The following CAPSL variants were observed in gnomAD, a reference collection of about 807,000 sequenced individuals.
The protein encoded by CAPSL is calcyphosin-like protein.
In CAPSL, 17 loss-of-function variants were observed where a neutral mutation model predicts 21.3. That is an observed-to-expected ratio of 0.80 (90% confidence interval 0.55 to 1.20). The LOEUF (loss-of-function observed/expected upper bound fraction) is 1.20. CAPSL is among the 50% of genes most tolerant of loss of function. CAPSL has a pLI of 0.00. For synonymous variants in CAPSL, 102 were observed against 89.3 expected, an observed-to-expected ratio of 1.14 and a Z score of -0.80; for missense variants, 289 against 259.3, an observed-to-expected ratio of 1.11 and a Z score of -0.79.
intron 1 of CAPSL, among the ~76,000 whole-genome samples, chr5:35,930,178 C>A (rs142163083): frequency 4.6e-5 from 7 of 152,092 alleles, no homozygotes; most frequent in Non-Finnish European, 7.4e-5. Context: ...AAGATGTCAC[C>A]GAAGTCTGGC....
At chr5:35,921,156 G>T (rs368843089) in intron 1 of CAPSL, 36 bp from the exon 2 acceptor site, 1 of 1,606,432 alleles carries the variant, frequency 6.2e-7, no homozygotes. Flanking sequence ...CAAAGTCCAG[G>T]CCTCGCCGCT....
chr5:35,914,974 A>C (rs1394905455), intron 2 of CAPSL, among the ~76,000 whole-genome samples: 1 of 152,210 alleles, frequency 6.6e-6, no homozygotes, highest in African/African-American at 2.4e-5. Flanking sequence ...AAGACTAATA[A>C]AGAAGAAAAG....
intron 4 of CAPSL, 173 bp from the exon 5 acceptor site, chr5:35,904,819 G>A: frequency 3.7e-6 from 2 of 539,660 alleles, no homozygotes; most frequent in Non-Finnish European, 4.7e-6. Flanking sequence ...GATGGTGTGA[G>A]AACAGCACCT....
chr5:35,930,841 C>G (rs1234371037), intron 1 of CAPSL, among the ~76,000 whole-genome samples: 2 of 152,282 alleles, frequency 1.3e-5, no homozygotes, highest in East Asian at 3.9e-4. Context: ...TGGGTAGGCA[C>G]AGGAACCAGT....
At chr5:35,906,237 C>T (rs1001354676) in intron 4 of CAPSL, among the ~76,000 whole-genome samples, 1 of 152,058 alleles carries the variant, frequency 6.6e-6, no homozygotes, top group African/African-American at 2.4e-5. Context: ...TGTTTGTTGG[C>T]CAGGGATGAC....
chr5:35,928,679 G>A (rs1425610302), intron 1 of CAPSL, among the ~76,000 whole-genome samples: 3 of 152,158 alleles, frequency 2.0e-5, no homozygotes, highest in Non-Finnish European at 2.9e-5. Context: ...TTGTTGCAAT[G>A]GAAGTAGGGT....
chr5:35,937,207 T>C (rs1738971527), intron 1 of CAPSL, among the ~76,000 whole-genome samples: 1 of 152,224 alleles, frequency 6.6e-6, no homozygotes, highest in Admixed American at 6.5e-5. Context: ...TACTTTGTCT[T>C]TCAAAAGACT....
chr5:35,924,004 C>T (rs554306195), intron 1 of CAPSL, among the ~76,000 whole-genome samples: 2 of 147,714 alleles, frequency 1.4e-5, no homozygotes, highest in South Asian at 4.3e-4. Context: ...ATACATACAA[C>T]TTTATCTGTC....
intron 4 of CAPSL, among the ~76,000 whole-genome samples, chr5:35,904,964 A>G (rs1024456504): frequency 6.6e-6 from 1 of 152,162 alleles, no homozygotes; most frequent in Admixed American, 6.5e-5. Context: ...AGTAAGAAGG[A>G]AGTGCTCTGC....
rs139830420 is a variant in CAPSL, at chr5:35,921,021, G to A, written c.100C>T (p.Leu34=). The A allele has an allele frequency of 1.7e-5, 27 of 1,613,980 alleles. No individual in the cohort carries two copies. The African/African-American group carries it at 3.1e-4, about 18-fold the overall frequency. ...DPIERLRLQC[L]ARGSAGIKGL... ...TTGATCCCAGCAGAGCCCCTGGCCA[G>A]GCACTGCAGTCGGAGTCTTTCAATG... Residue 34 remains leucine (L), a synonymous_variant, in exon 2 of 5, where the codon CTG becomes TTG. Transcript: ENST00000651391.
intron 4 of CAPSL, among the ~76,000 whole-genome samples, chr5:35,906,737 A>T (rs1233470248): frequency 6.6e-6 from 1 of 152,242 alleles, no homozygotes; most frequent in Non-Finnish European, 1.5e-5. Flanking sequence ...TGAGACTGGT[A>T]TCGTCACCCA....
intron 2 of CAPSL, among the ~76,000 whole-genome samples, chr5:35,912,354 A>G (rs1275845080): frequency 3.3e-5 from 5 of 152,230 alleles, no homozygotes; most frequent in Non-Finnish European, 7.3e-5. Context: ...ACAACTTTGA[A>G]GAGAGTAATG....
chr5:35,907,306 C>T (rs77573968), intron 4 of CAPSL, among the ~76,000 whole-genome samples: 18,456 of 152,134 alleles, frequency 0.12, 1,459 homozygotes, highest in Non-Finnish European at 0.18. Context: ...ATATACCTAA[C>T]ATATTTTTAA....
chr5:35,916,481 A>C (rs1386123987), intron 2 of CAPSL, among the ~76,000 whole-genome samples: 1 of 152,222 alleles, frequency 6.6e-6, no homozygotes, highest in Admixed American at 6.5e-5. Context: ...AGGCTACAGT[A>C]ACCAAAACAG....
chr5:35,932,176 G>A (rs1226963196), intron 1 of CAPSL, among the ~76,000 whole-genome samples: 1 of 152,134 alleles, frequency 6.6e-6, no homozygotes, highest in East Asian at 1.9e-4. Context: ...CAATGTCATA[G>A]TGCCAACATC....
chr5:35,911,900 A>G (rs1190466377), intron 2 of CAPSL, among the ~76,000 whole-genome samples: 1 of 152,166 alleles, frequency 6.6e-6, no homozygotes, highest in Non-Finnish European at 1.5e-5. Context: ...CATGAGCTGA[A>G]GCAGGGCAAG....
chr5:35,914,171 T>C (rs1032545715), intron 2 of CAPSL, among the ~76,000 whole-genome samples: 1 of 152,196 alleles, frequency 6.6e-6, no homozygotes, highest in Non-Finnish European at 1.5e-5. Flanking sequence ...ATCCTAAATA[T>C]ATATGCACCC....
intron 1 of CAPSL, among the ~76,000 whole-genome samples, chr5:35,931,635 A>G (rs1258850596): frequency 6.6e-6 from 1 of 152,108 alleles, no homozygotes; most frequent in African/African-American, 2.4e-5. Flanking sequence ...ATAACTTACA[A>G]TGTATTCTGA....
chr5:35,915,969 G>A (rs953409618), intron 2 of CAPSL, among the ~76,000 whole-genome samples: 12 of 152,190 alleles, frequency 7.9e-5, no homozygotes, highest in East Asian at 1.9e-4. Context: ...AAACCCCATC[G>A]TCTCAGCCCA....
Sources: allele counts gnomAD v4.1 joint callset (sites outside exome capture counted in the v4.1 genomes callset), GRCh38; gene constraint gnomAD v4.1.1; transcripts MANE v1.5; gene names NCBI Gene and HGNC (gene_info 2026-07-23, HGNC 2026-07-21).